Variants in RB1 observed in about 807,000 individuals in gnomAD.
The protein encoded by RB1 is retinoblastoma-associated protein.
A neutral mutation model predicts 135.4 loss-of-function variants in RB1; 18 were observed. The observed-to-expected ratio is 0.13, with a 90% CI of 0.09 to 0.20. The LOEUF (loss-of-function observed/expected upper bound fraction) is 0.20. RB1 is among the 10% of genes least tolerant of loss of function. The pLI is 1.00. For synonymous variants in RB1, 365 were observed against 373.2 expected (o/e 0.98, Z 0.25); for missense variants, 868 against 1,110.0 (o/e 0.78, Z 3.10).
intron 17 of RB1, among the ~76,000 whole-genome samples, chr13:48,451,082 G>A (rs1156512542): frequency 6.6e-6 from 1 of 151,262 alleles, no homozygotes; most frequent in Non-Finnish European, 1.5e-5. Context: ...TTTGGGTTAA[G>A]ATGATAATTT....
intron 1 of RB1, among the ~76,000 whole-genome samples, chr13:48,304,904 A>G (rs897704994): frequency 6.6e-6 from 1 of 152,060 alleles, no homozygotes; most frequent in Non-Finnish European, 1.5e-5. Flanking sequence ...TTTGGCACAA[A>G]ATTAGTGGTT....
chr13:48,309,260 T>C (rs1386392951), intron 2 of RB1, among the ~76,000 whole-genome samples: 1 of 152,230 alleles, frequency 6.6e-6, no homozygotes, highest in Admixed American at 6.5e-5. Context: ...CAGATACTTT[T>C]AATGAATTTA....
At chr13:48,415,074 G>C (rs534943330) in intron 17 of RB1, among the ~76,000 whole-genome samples, 2 of 151,704 alleles carry the variant, frequency 1.3e-5, no homozygotes, top group African/African-American at 4.8e-5. Flanking sequence ...CTCCTCTTTA[G>C]TCATCTTTAA....
chr13:48,430,505 C>T (rs1949118125), intron 17 of RB1, among the ~76,000 whole-genome samples: 1 of 151,958 alleles, frequency 6.6e-6, no homozygotes, highest in African/African-American at 2.4e-5. Flanking sequence ...CTTTGGGAGG[C>T]GAGACAGGTG....
chr13:48,402,379 C>T (rs1203080309), intron 17 of RB1, among the ~76,000 whole-genome samples: 1 of 125,718 alleles, frequency 8.0e-6, no homozygotes, highest in African/African-American at 2.8e-5. Flanking sequence ...TGTAGAAAAC[C>T]TTTTTTTTTT....
intron 6 of RB1, among the ~76,000 whole-genome samples, chr13:48,353,105 C>T (rs886154690): frequency 2.6e-5 from 4 of 151,694 alleles, no homozygotes; most frequent in Admixed American, 6.6e-5. Flanking sequence ...AAAGAAAGAT[C>T]GAGCAGAAAT....
chr13:48,381,305 T>G lies in RB1; in HGVS notation c.1557T>G (p.Asn519Lys), dbSNP rs149620934. ...GTDLSFPWIL[N>K]VLNLKAFDFY... ...ATTTGTCTTTCCCATGGATTCTGAA[T>G]GTGCTTAATTTAAAAGCCTTTGATT... Residue 519 changes from asparagine to lysine, a missense_variant, in exon 17 of 27, where the codon AAT (asparagine) becomes AAG (lysine). Physicochemically the swap from Asn to Lys is moderately conservative, Grantham distance 94. Transcript: ENST00000267163. The G allele has an allele frequency of 6.2e-7, 1 of 1,612,780 alleles. No individual in the cohort carries two copies. Among genetic ancestry groups the G allele is most frequent in the Non-Finnish European group, 8.5e-7 (1 of 1,179,520 alleles).
intron 17 of RB1, 110 bp from the exon 18 acceptor site, chr13:48,452,883 A>T (rs2138326720): frequency 6.8e-7 from 1 of 1,478,988 alleles, no homozygotes; most frequent in East Asian, 2.3e-5. Flanking sequence ...GCCACTGTCA[A>T]TTGTGCCTAA....
At chr13:48,455,694 A>G (rs1949355524) in intron 18 of RB1, among the ~76,000 whole-genome samples, 1 of 152,210 alleles carries the variant, frequency 6.6e-6, no homozygotes, top group African/African-American at 2.4e-5. Context: ...TATGCCTGAC[A>G]TATTTAGTAT....
intron 17 of RB1, chr13:48,412,046 A>G (rs1318027899): frequency 1.2e-6 from 2 of 1,613,448 alleles, no homozygotes; most frequent in Non-Finnish European, 1.7e-6. Context: ...TGGTTCTTAG[A>G]GTCTTTGACT....
At position 48,328,141 on chromosome 13, in the gene RB1, G is replaced by A. The variant is rs1952303740; in HGVS notation, c.265-14458G>A. 9.5e-6 allele frequency: 12 copies of A among 1,257,752 alleles called. No individual in the cohort carries two copies. The South Asian group carries it at 1.3e-4, about 14-fold the overall frequency. 77.9% of individuals were successfully genotyped at this position (1,257,752 alleles called of 1,614,324 possible). A position where few individuals can be genotyped will look rare whatever the true frequency, so the allele number is the denominator to read the frequency against. ...TTTATATTCCACTCCCATAGCTTCTGGTTATCAGAAAACCCATGCTTTCCT... is the reference window on the plus strand; with the variant it reads ...TTTATATTCCACTCCCATAGCTTCTAGTTATCAGAAAACCCATGCTTTCCT... On this transcript the variant is annotated intron_variant, in intron 2 of 26. Transcript: ENST00000267163.
At position 48,303,905 on chromosome 13, in the gene RB1, A is replaced by G. The variant is rs2138026905; in HGVS notation, c.-8A>G. ...ACAGCTCGCTGGCTCCCGCCGCGGA[A>G]AGGCGTCATGCCGCCCAAAACCCCC... On this transcript the variant is annotated 5_prime_UTR_variant, in exon 1 of 27. Transcript: ENST00000267163. 1.3e-6 allele frequency: 2 copies of G among 1,514,876 alleles called. No homozygotes were observed. Among genetic ancestry groups the G allele is most frequent in the Non-Finnish European group, 1.8e-6 (2 of 1,138,720 alleles). 93.8% of individuals were successfully genotyped at this position (1,514,876 alleles called of 1,614,324 possible). A position where few individuals can be genotyped will look rare whatever the true frequency, so the allele number is the denominator to read the frequency against.
intron 2 of RB1, among the ~76,000 whole-genome samples, chr13:48,324,930 C>T (rs1307591426): frequency 6.6e-6 from 1 of 151,174 alleles, no homozygotes; most frequent in South Asian, 2.1e-4. Context: ...ATGGCATATG[C>T]ATCAACAATT....
rs1593453848 is a variant in RB1, at chr13:48,376,790, C to T, written c.1216-128C>T. The T allele has an allele frequency of 9.3e-6, 13 of 1,397,996 alleles. No homozygotes were observed. In the East Asian group the frequency reaches 2.8e-4, roughly 31 times the overall value. 86.6% of individuals were successfully genotyped at this position (1,397,996 alleles called of 1,614,324 possible). A position where few individuals can be genotyped will look rare whatever the true frequency, so the allele number is the denominator to read the frequency against. On this transcript the variant is annotated intron_variant, in intron 12 of 26. Coordinates refer to ENST00000267163, the MANE Select transcript of RB1 (RefSeq NM_000321.3). ...TGCTTATGTTCAGTAGTTGTGGTTA[C>T]CTAGTTATTATGGAAGTGTTTCCAC...
chr13:48,465,310 A>G lies in RB1; in HGVS notation c.2431A>G (p.Ser811Gly), dbSNP rs1371240619. 1.2e-6 allele frequency: 2 copies of G among 1,611,224 alleles called. No individual in the cohort carries two copies. The highest frequency in any genetic ancestry group is 1.7e-6 in the Non-Finnish European group (2 of 1,177,406). Residue 811 changes from serine to glycine, a missense_variant, in exon 23 of 27, where the codon AGT becomes GGT. By Grantham distance (56) the Ser-to-Gly change is moderately conservative. This residue lies in a region of RB1 where 196 missense variants were observed against 239.8 expected (regional missense o/e 0.82). Coordinates refer to ENST00000267163, the MANE Select transcript of RB1 (RefSeq NM_000321.3). The stretch of plus-strand genomic sequence containing the variant: ...GAACATCTATATTTCACCCCTGAAG[A>G]GTCCATATAAAATTTCAGAAGGTCT... ...GGNIYISPLK[S>G]PYKISEGLPT...
intron 17 of RB1, among the ~76,000 whole-genome samples, chr13:48,421,159 C>T (rs1232122373): frequency 2.0e-5 from 3 of 152,148 alleles, no homozygotes; most frequent in Non-Finnish European, 4.4e-5. Context: ...ATAACCAAAA[C>T]AGCATGGTAT....
chr13:48,464,396 G>T (rs1949423905), intron 21 of RB1, among the ~76,000 whole-genome samples: 1 of 152,094 alleles, frequency 6.6e-6, no homozygotes, highest in Non-Finnish European at 1.5e-5. Context: ...TTGTATGTTT[G>T]AAGTTATTTT....
chr13:48,338,129 A>G (rs1952402108), intron 2 of RB1, among the ~76,000 whole-genome samples: 1 of 152,106 alleles, frequency 6.6e-6, no homozygotes, highest in South Asian at 2.1e-4. Flanking sequence ...CTTCATTTCA[A>G]CTTTGGTGAA....
intron 11 of RB1, among the ~76,000 whole-genome samples, chr13:48,369,221 C>T (rs561977717): frequency 6.6e-6 from 1 of 152,110 alleles, no homozygotes; most frequent in Non-Finnish European, 1.5e-5. Context: ...TGTCTTTTTC[C>T]TCACTCATTT....
Sources: allele counts gnomAD v4.1 joint callset (sites outside exome capture counted in the v4.1 genomes callset), GRCh38; gene constraint gnomAD v4.1.1; regional missense constraint gnomAD v4.1.1; transcripts MANE v1.5; gene names NCBI Gene and HGNC (gene_info 2026-07-23, HGNC 2026-07-21).